Variants in SPRYD3 observed in about 807,000 individuals in gnomAD.
SPRYD3 encodes SPRY domain-containing protein 3.
A neutral mutation model predicts 50.1 loss-of-function variants in SPRYD3; 17 were observed. That is an observed-to-expected ratio of 0.34 (90% CI 0.23 to 0.51). SPRYD3 has a LOEUF of 0.51. SPRYD3 is among the 20% of genes least tolerant of loss of function. The probability of loss-of-function intolerance (pLI) is 0.97; values close to 1 mark genes in which losing one functional copy is unlikely to be tolerated. For synonymous variants in SPRYD3, 198 were observed against 215.5 expected, an observed-to-expected ratio of 0.92 and a Z score of 0.71; for missense variants, 401 against 591.2, an observed-to-expected ratio of 0.68 and a Z score of 3.34.
chr12:53,076,293 C>T (rs1944588352), intron 2 of SPRYD3, among the ~76,000 whole-genome samples: 1 of 152,194 alleles, frequency 6.6e-6, no homozygotes, highest in Non-Finnish European at 1.5e-5. Context: ...CTACTTTCTT[C>T]CCCCTTCAGT....
intron 2 of SPRYD3, 142 bp downstream of exon 2, chr12:53,076,973 C>A: frequency 1.4e-6 from 1 of 727,140 alleles, no homozygotes; most frequent in South Asian, 2.0e-5. Context: ...AAAAGAAAGG[C>A]CTCTGGAGTC....
chr12:53,067,762 G>A, intron 7 of SPRYD3, 57 bp from the exon 8 acceptor site: 1 of 1,504,150 alleles, frequency 6.6e-7, no homozygotes, highest in Non-Finnish European at 9.3e-7. Flanking sequence ...AGACAGGAGA[G>A]AGTGGCGAGT....
chr12:53,069,529 C>T (rs1475369957), intron 6 of SPRYD3, among the ~76,000 whole-genome samples: 2 of 152,234 alleles, frequency 1.3e-5, no homozygotes, highest in East Asian at 3.8e-4. Context: ...CTACTAACCC[C>T]TTCTGAGAGT....
At chr12:53,072,671 T>C (rs1240638316) in intron 6 of SPRYD3, among the ~76,000 whole-genome samples, 3 of 152,166 alleles carry the variant, frequency 2.0e-5, no homozygotes, top group Admixed American at 1.3e-4. Flanking sequence ...TTTCTCAAGC[T>C]CCACACGCTT....
At chr12:53,065,988 G>A in intron 10 of SPRYD3, 22 bp from the exon 11 acceptor site, 1 of 1,607,908 alleles carries the variant, frequency 6.2e-7, no homozygotes, top group Non-Finnish European at 8.5e-7. Context: ...GTGGGGAGAA[G>A]AATGGAGCAA....
At chr12:53,078,350 G>A (rs1354785236) in intron 1 of SPRYD3, among the ~76,000 whole-genome samples, 1 of 151,920 alleles carries the variant, frequency 6.6e-6, no homozygotes, top group Non-Finnish European at 1.5e-5. Context: ...TTAGCCAGGC[G>A]TGGTGGTGCG....
intron 3 of SPRYD3, among the ~76,000 whole-genome samples, 153 bp downstream of exon 3, chr12:53,075,583 C>G (rs886409945): frequency 1.3e-5 from 2 of 152,020 alleles, no homozygotes; most frequent in African/African-American, 4.8e-5. Context: ...GATGAGGGGC[C>G]ATGCTATCCT....
At chr12:53,073,255 A>AGCCCCCGGGGGGGGGGGGGGGGG in intron 6 of SPRYD3, 31 bp downstream of exon 6, 2 of 383,668 alleles carry the variant, frequency 5.2e-6, no homozygotes, top group Non-Finnish European at 4.9e-6. Flanking sequence ...CCTCCGACCC[A>AGCCCCCGGGGGGGGGGGGGGGGG]GCCCCTCCCA....
intron 6 of SPRYD3, 94 bp downstream of exon 6, chr12:53,073,192 C>G (rs1416053342): frequency 1.7e-5 from 14 of 821,638 alleles, no homozygotes; most frequent in Non-Finnish European, 2.7e-5. Context: ...CCCGACTCCC[C>G]ATTCCCAGCA....
At chr12:53,078,023 A>G (rs1280970554) in intron 1 of SPRYD3, 1 of 426,950 alleles carries the variant, frequency 2.3e-6, no homozygotes. Context: ...CATCTCTACT[A>G]AAAATTAAAA....
Position 53,067,700 on chromosome 12 carries a change from A to G in SPRYD3, c.849T>C (p.Tyr283=), listed in dbSNP as rs760730219. ...TCCAGCCAGGGTGCCTGTTCTTGGG[A>G]TAGTCCTGCACCAAGAAGAGAAAAG... is the stretch of plus-strand genomic sequence containing the variant. ...YIALGLARKD[Y]PKNRHPGWSR... Residue 283 remains tyrosine (Y), a synonymous_variant, in exon 8 of 11, where the codon TAT becomes TAC. Transcript: ENST00000301463. The G allele has an allele frequency of 3.7e-6, 6 of 1,613,828 alleles. No individual in the cohort carries two copies. The highest frequency in any genetic ancestry group is 5.1e-6 in the Non-Finnish European group (6 of 1,179,788).
chr12:53,075,491 G>A (rs1944581683), intron 3 of SPRYD3, among the ~76,000 whole-genome samples: 2 of 152,174 alleles, frequency 1.3e-5, no homozygotes, highest in South Asian at 2.1e-4. Context: ...TCAAGTCTGG[G>A]ATATGGGTCA....
At chr12:53,067,509 C>T (rs952651349) in intron 8 of SPRYD3, 139 bp downstream of exon 8, 2 of 739,258 alleles carry the variant, frequency 2.7e-6, no homozygotes, top group East Asian at 2.7e-5. Flanking sequence ...GAAGCACTAG[C>T]GATTTGGGAA....
Position 53,077,079 on chromosome 12 carries a change from A to G in SPRYD3, c.170+36T>C, listed in dbSNP as rs776566905. 9 of 1,607,134 alleles carry G rather than the reference A, an allele frequency of 5.6e-6. No individual in the cohort carries two copies. In the South Asian group the frequency reaches 8.9e-5, roughly 16 times the overall value. ...CCCTTTCCTCTCTAAGATCTGGAAC[A>G]GAGAAGAAAATGTGGAAGCATTCTC... On this transcript the variant is annotated intron_variant, in intron 2 of 10. Coordinates refer to ENST00000301463, the MANE Select transcript of SPRYD3 (RefSeq NM_032840.3).
In SPRYD3 at chr12:53,077,238, T is replaced by C; in HGVS notation, c.47A>G (p.Asp16Gly). 6.2e-7 allele frequency: 1 copy of C among 1,614,196 alleles called. No individual in the cohort carries two copies. Among genetic ancestry groups the C allele is most frequent in the South Asian group, 1.1e-5 (1 of 91,088 alleles). Residue 16 changes from aspartate to glycine, a missense_variant, in exon 2 of 11, where the codon GAT becomes GGT. Asp to Gly is a moderately conservative substitution (Grantham distance 94). Transcript: ENST00000301463. ...RPRFVLMNKM[D>G]DLNLHYRFLN... is the part of the protein sequence containing the mutation. ...AAACCGGTAGTGCAGGTTGAGGTCA[T>C]CCATCTTGTTCATGAGAACAAACCT...
rs1201632265 is a variant in SPRYD3 at position 53,074,847 on chromosome 12, G to A, written c.372-63C>T. On this transcript the variant is annotated intron_variant, in intron 4 of 10. Transcript: ENST00000301463. The surrounding 1 kb of genome is among the most constrained non-coding windows in gnomAD (Gnocchi z 4.6). ...GGCCTCCCAACTTCTCCCCAGCACT[G>A]ACAGCAGAGGCCTCATCCTCATCTT... 6.3e-7 allele frequency: 1 copy of A among 1,584,554 alleles called. No homozygotes were observed. The highest frequency in any genetic ancestry group is 8.6e-7 in the Non-Finnish European group (1 of 1,156,302).
rs1321129930 is a variant in SPRYD3, at chr12:53,075,758, G to T, written c.224C>A (p.Thr75Asn). The T allele has an allele frequency of 6.2e-7, 1 of 1,614,044 alleles. No homozygotes were observed. Among genetic ancestry groups the T allele is most frequent in the South Asian group, 1.1e-5 (1 of 91,086 alleles). ...VGCYVASRPL[T>N]KDSNYFEVSI... is the part of the protein sequence containing the mutation. Reference sequence around the variant, plus strand: ...CACCTCAAAATAATTGCTGTCCTTGGTCAGGGGTCGAGAAGCCACGTAGCA... The same window carrying T: ...CACCTCAAAATAATTGCTGTCCTTGTTCAGGGGTCGAGAAGCCACGTAGCA... The change falls in exon 3 of 11, where the codon ACC (threonine) becomes AAC (asparagine). Residue 75 changes from threonine (T) to asparagine (N), a missense_variant. Thr to Asn is a moderately conservative substitution (Grantham distance 65, BLOSUM62 0). Transcript: ENST00000301463.
At chr12:53,078,052 A>C (rs949592865) in intron 1 of SPRYD3, 1 of 445,884 alleles carries the variant, frequency 2.2e-6, no homozygotes, top group Non-Finnish European at 4.5e-6. Context: ...CAGGTGTGGC[A>C]GCATGCACCT....
intron 6 of SPRYD3, 30 bp downstream of exon 6, chr12:53,073,256 G>GCCCCCGGGGGGGCCCC: frequency 2.4e-6 from 1 of 424,134 alleles, no homozygotes; most frequent in Non-Finnish European, 4.4e-6. Context: ...CTCCGACCCA[G>GCCCCCGGGGGGGCCCC]CCCCTCCCAC....
Sources: allele counts gnomAD v4.1 joint callset (sites outside exome capture counted in the v4.1 genomes callset), GRCh38; gene constraint gnomAD v4.1.1; non-coding constraint Gnocchi (gnomAD v3.1); transcripts MANE v1.5; gene names NCBI Gene and HGNC (gene_info 2026-07-23, HGNC 2026-07-21).